PKP1: variants seen among roughly 807,000 people sequenced by gnomAD.
PKP1 encodes plakophilin 1, also known as plakophilin-1.
In PKP1, 27 loss-of-function variants were observed where a neutral mutation model predicts 76.4. The ratio of observed to expected loss-of-function variants is 0.35; its 90% confidence interval spans 0.26 to 0.49. The LOEUF is 0.49. PKP1 is among the 20% of genes least tolerant of loss of function. The pLI is 0.99. For synonymous variants in PKP1, 404 were observed against 384.2 expected (o/e 1.05, Z -0.60); for missense variants, 964 against 955.2 (o/e 1.01, Z -0.12).
chr1:201,321,950 C>G, intron 7 of PKP1, 28 bp from the exon 8 acceptor site: 1 of 1,613,446 alleles, frequency 6.2e-7, no homozygotes, highest in Non-Finnish European at 8.5e-7. Context: ...GGCAGAGGCT[C>G]AGGCCCATGC....
chr1:201,285,821 C>T (rs2102403515), intron 1 of PKP1, among the ~76,000 whole-genome samples: 2 of 152,354 alleles, frequency 1.3e-5, no homozygotes, highest in East Asian at 3.9e-4. Context: ...CTGATAAGGT[C>T]TCCTTTGTTC....
intron 4 of PKP1, 67 bp downstream of exon 4, chr1:201,316,764 G>T: frequency 3.8e-6 from 6 of 1,577,890 alleles, no homozygotes; most frequent in Non-Finnish European, 5.2e-6. Context: ...GCCTGACTCC[G>T]CTTTTAGAGA....
Position 201,328,879 on chromosome 1 carries a change from C to T in PKP1, c.*32+11C>T. On this transcript the variant is annotated intron_variant, in intron 13 of 13. Transcript: ENST00000367324. ...AAGTTAGGCTTGCAGGTAAGAATCACCCCACCCTCAGGGATGCCTCTGGGA... is the reference window on the plus strand; with the variant it reads ...AAGTTAGGCTTGCAGGTAAGAATCATCCCACCCTCAGGGATGCCTCTGGGA... The T allele has an allele frequency of 6.6e-7, 1 of 1,512,322 alleles. No homozygotes were observed. Among genetic ancestry groups the T allele is most frequent in the Middle Eastern group, 1.7e-4 (1 of 5,860 alleles). The allele number at this position is 1,512,322 out of a possible 1,614,324, so 93.7% of individuals were successfully genotyped here.
At chr1:201,307,966 C>A (rs1656419135) in intron 2 of PKP1, among the ~76,000 whole-genome samples, 1 of 152,150 alleles carries the variant, frequency 6.6e-6, no homozygotes. Flanking sequence ...GCTGGAGAAC[C>A]GGTTTGGCCG....
chr1:201,299,346 A>T (rs898125194), intron 2 of PKP1, among the ~76,000 whole-genome samples: 1 of 152,158 alleles, frequency 6.6e-6, no homozygotes, highest in Non-Finnish European at 1.5e-5. Flanking sequence ...GAGCAGTATG[A>T]AGTTTATGGA....
At chr1:201,306,747 T>C (rs1469179572) in intron 2 of PKP1, among the ~76,000 whole-genome samples, 6 of 152,088 alleles carry the variant, frequency 3.9e-5, no homozygotes, top group African/African-American at 9.7e-5. Context: ...CAATCTCAGC[T>C]CACTGCAAGC....
chr1:201,305,242 G>T (rs1053936820), intron 2 of PKP1, among the ~76,000 whole-genome samples: 2 of 152,200 alleles, frequency 1.3e-5, no homozygotes, highest in African/African-American at 4.8e-5. Context: ...AACAGGCCAG[G>T]CACAGTGGCT....
Position 201,283,521 on chromosome 1 carries a change from C to T in PKP1, c.-182C>T, listed in dbSNP as rs1435359525. The stretch of plus-strand genomic sequence containing the variant: ...GGGCCTCGCCAGTGCCAGAGAGGGA[C>T]GAACCAGGGTGGAAGCGCCAGGAGC... On this transcript the variant is annotated 5_prime_UTR_variant, in exon 1 of 14. The change creates a new upstream start codon in the 5' untranslated region. Coordinates refer to ENST00000367324, the MANE Select transcript of PKP1 (RefSeq NM_001005337.3). 2 of 662,412 alleles carry T rather than the reference C, an allele frequency of 3.0e-6. No individual in the cohort carries two copies. The highest frequency in any genetic ancestry group is 5.4e-6 in the Non-Finnish European group (2 of 368,746). The allele number at this position is 662,412 out of a possible 1,614,324, so 41.0% of individuals were successfully genotyped here.
At chr1:201,326,787 C>A (rs1657139768) in intron 12 of PKP1, among the ~76,000 whole-genome samples, 1 of 152,208 alleles carries the variant, frequency 6.6e-6, no homozygotes, top group Non-Finnish European at 1.5e-5. Flanking sequence ...GCAAGACCAC[C>A]ATGGGTTGCA....
At chr1:201,322,529 G>T (rs1182786442) in intron 8 of PKP1, among the ~76,000 whole-genome samples, 1 of 152,198 alleles carries the variant, frequency 6.6e-6, no homozygotes, top group African/African-American at 2.4e-5. Context: ...AGCCCTGCCA[G>T]GTTTCCCCAG....
In PKP1 at chr1:201,325,940, T is replaced by G. The variant is rs1571565087; in HGVS notation, c.2106+102T>G. On this transcript the variant is annotated intron_variant, in intron 12 of 13. Coordinates refer to ENST00000367324, the MANE Select transcript of PKP1 (RefSeq NM_001005337.3). ...GGGCTGGGCACTAGAGAAACGCCCCTGCCCTTCGGGACAGTCTGAGAGACA... is the reference window on the plus strand; with the variant it reads ...GGGCTGGGCACTAGAGAAACGCCCCGGCCCTTCGGGACAGTCTGAGAGACA... The G allele has an allele frequency of 5.8e-5, 47 of 807,494 alleles. No individual in the cohort carries two copies. The East Asian group carries it at 1.2e-3, about 21-fold the overall frequency. The allele number at this position is 807,494 out of a possible 1,614,324, so 50.0% of individuals were successfully genotyped here.
intron 2 of PKP1, among the ~76,000 whole-genome samples, chr1:201,307,168 G>A (rs902005037): frequency 5.9e-5 from 9 of 152,182 alleles, no homozygotes; most frequent in African/African-American, 2.2e-4. Context: ...CATTGTGGGT[G>A]CAGCTCCCTC....
rs1657278283 is a variant in PKP1, at chr1:201,330,297, G to A, written c.*256G>A. On this transcript the variant is annotated 3_prime_UTR_variant, in exon 14 of 14. Coordinates refer to ENST00000367324, the MANE Select transcript of PKP1 (RefSeq NM_001005337.3). Reference sequence around the variant, plus strand: ...TTTCTTGAGTTAAAGGGGCTTATATGTGATGTCAATATTTCTTCCTCTGAG... The same window carrying A: ...TTTCTTGAGTTAAAGGGGCTTATATATGATGTCAATATTTCTTCCTCTGAG... 1 of 151,982 alleles carries A rather than the reference G, an allele frequency of 6.6e-6. No homozygotes were observed. Among genetic ancestry groups the A allele is most frequent in the African/African-American group, 2.4e-5 (1 of 41,352 alleles). The allele number at this position is 151,982 out of a possible 1,614,324, so 9.4% of individuals were successfully genotyped here.
chr1:201,297,419 G>T (rs1235470910), intron 2 of PKP1, among the ~76,000 whole-genome samples: 1 of 152,178 alleles, frequency 6.6e-6, no homozygotes, highest in Non-Finnish European at 1.5e-5. Context: ...TAGCCTCGCT[G>T]CCTGGTTTCT....
intron 1 of PKP1, among the ~76,000 whole-genome samples, chr1:201,287,457 C>G (rs1432558668): frequency 2.0e-5 from 3 of 152,248 alleles, no homozygotes. Flanking sequence ...GTTGTCCTTT[C>G]CTGACCACAG....
chr1:201,301,733 T>TC, intron 2 of PKP1, among the ~76,000 whole-genome samples: 1 of 148,570 alleles, frequency 6.7e-6, no homozygotes, highest in East Asian at 2.0e-4. Context: ...ATTTTGGGCT[T>TC]TTTTTTTTTT....
chr1:201,316,360 T>A (rs1656747767), intron 3 of PKP1, 193 bp from the exon 4 acceptor site: 1 of 608,310 alleles, frequency 1.6e-6, no homozygotes, highest in Admixed American at 2.9e-5. Context: ...ATCCAGTGGG[T>A]GTAGCCTTCC....
At chr1:201,284,032 G>A (rs1324161592) in intron 1 of PKP1, 128 bp downstream of exon 1, 1 of 868,022 alleles carries the variant, frequency 1.2e-6, no homozygotes, top group Admixed American at 2.0e-5. Context: ...CCCAGGCAGG[G>A]TCTACGCACC....
At chr1:201,291,671 C>T (rs561821883) in intron 1 of PKP1, among the ~76,000 whole-genome samples, 33 of 152,338 alleles carry the variant, frequency 2.2e-4, no homozygotes, top group East Asian at 1.4e-3. Context: ...CCCAAATTTT[C>T]CACCCAGAAG....
Sources: gnomAD v4.1 joint callset for allele counts (sites outside exome capture counted in the v4.1 genomes callset) on GRCh38, gnomAD v4.1.1 for gene constraint, MANE v1.5 for transcripts, NCBI Gene and HGNC (gene_info 2026-07-23, HGNC 2026-07-21) for gene names.